GULP1: variants seen among roughly 807,000 people sequenced by gnomAD.
The protein encoded by GULP1 is PTB domain-containing engulfment adapter protein 1.
In GULP1, 19 loss-of-function variants were observed where a neutral mutation model predicts 40.9. The ratio of observed to expected loss-of-function variants is 0.46; its 90% CI spans 0.32 to 0.68. The LOEUF is 0.68. GULP1 is among the 30% of genes least tolerant of loss of function. GULP1 has a pLI of 0.03. For synonymous variants in GULP1, 119 were observed against 117.6 expected (o/e 1.01, Z -0.08); for missense variants, 312 against 362.2 (o/e 0.86, Z 1.12).
intron 2 of GULP1, among the ~76,000 whole-genome samples, chr2:188,457,038 C>T (rs2059325896): frequency 6.6e-6 from 1 of 152,132 alleles, no homozygotes; most frequent in Non-Finnish European, 1.5e-5. Flanking sequence ...GGAATGGCTG[C>T]ATGTACCCAA....
At chr2:188,585,794 T>C (rs746559732) in intron 10 of GULP1, among the ~76,000 whole-genome samples, 4 of 152,216 alleles carry the variant, frequency 2.6e-5, no homozygotes, top group African/African-American at 7.2e-5. Context: ...GCTGGTGACA[T>C]CTTCCCCATT....
At chr2:188,371,433 C>T (rs1336450826) in intron 1 of GULP1, among the ~76,000 whole-genome samples, 1 of 152,046 alleles carries the variant, frequency 6.6e-6, no homozygotes, top group Non-Finnish European at 1.5e-5. Flanking sequence ...GATGTGTTAT[C>T]CTCCATTTGT....
intron 4 of GULP1, among the ~76,000 whole-genome samples, chr2:188,500,245 C>T (rs1040662702): frequency 6.6e-6 from 1 of 151,846 alleles, no homozygotes; most frequent in African/African-American, 2.4e-5. Context: ...TGCATTTTGA[C>T]ACAATGTACG....
At chr2:188,412,942 T>A (rs974660102) in intron 2 of GULP1, among the ~76,000 whole-genome samples, 4 of 151,238 alleles carry the variant, frequency 2.6e-5, no homozygotes, top group Admixed American at 2.6e-4. Flanking sequence ...ACTTACCAAA[T>A]TTTTTTTAAA....
intron 1 of GULP1, among the ~76,000 whole-genome samples, chr2:188,348,182 ATATAT>A (rs1298839833): frequency 2.6e-5 from 4 of 152,224 alleles, no homozygotes; most frequent in African/African-American, 9.6e-5. Flanking sequence ...ATAATAGGAG[ATATAT>A]TAATGTTACA....
intron 9 of GULP1, among the ~76,000 whole-genome samples, chr2:188,581,269 C>T (rs1336945309): frequency 2.6e-5 from 4 of 152,006 alleles, no homozygotes; most frequent in African/African-American, 7.3e-5. Context: ...TCCCTCCTAC[C>T]GTCTCTTGTC....
At chr2:188,476,925 A>G (rs1274895866) in intron 2 of GULP1, among the ~76,000 whole-genome samples, 1 of 152,142 alleles carries the variant, frequency 6.6e-6, no homozygotes, top group African/African-American at 2.4e-5. Context: ...AAGTCATTAA[A>G]TATATAAAAT....
intron 2 of GULP1, among the ~76,000 whole-genome samples, chr2:188,457,438 G>T (rs1404848397): frequency 6.6e-6 from 1 of 152,108 alleles, no homozygotes; most frequent in African/African-American, 2.4e-5. Context: ...TTTAAAAATG[G>T]TAAGTTCTCT....
intron 2 of GULP1, among the ~76,000 whole-genome samples, chr2:188,427,152 A>G (rs1001752077): frequency 6.6e-6 from 1 of 152,158 alleles, no homozygotes; most frequent in African/African-American, 2.4e-5. Flanking sequence ...TAACCTGGCT[A>G]CCTCTACTAG....
At chr2:188,477,767 C>A (rs367777352) in intron 3 of GULP1, 37 bp downstream of exon 3, 2 of 1,511,044 alleles carry the variant, frequency 1.3e-6, no homozygotes, top group African/African-American at 1.4e-5. Context: ...GGGAGTCAAG[C>A]CAATGTTGCT....
At chr2:188,383,512 A>G (rs1044221128) in intron 1 of GULP1, among the ~76,000 whole-genome samples, 1 of 152,236 alleles carries the variant, frequency 6.6e-6, no homozygotes, top group Non-Finnish European at 1.5e-5. Flanking sequence ...TTTAATAGTA[A>G]CATATCTGTG....
At chr2:188,572,342 T>G (rs1325175546) in intron 9 of GULP1, among the ~76,000 whole-genome samples, 3 of 152,216 alleles carry the variant, frequency 2.0e-5, no homozygotes, top group Non-Finnish European at 4.4e-5. Flanking sequence ...TTAAAATGAA[T>G]TAGCACTCCT....
At chr2:188,379,169 A>G (rs1021732165) in intron 1 of GULP1, among the ~76,000 whole-genome samples, 3 of 152,182 alleles carry the variant, frequency 2.0e-5, no homozygotes, top group Non-Finnish European at 4.4e-5. Context: ...AGCACTGCAG[A>G]AAGTTTAACA....
intron 4 of GULP1, among the ~76,000 whole-genome samples, chr2:188,510,126 A>T (rs1304703782): frequency 6.6e-6 from 1 of 152,062 alleles, no homozygotes; most frequent in African/African-American, 2.4e-5. Context: ...ATCTCAAGAG[A>T]GCTCAGAGGG....
At chr2:188,346,531 T>C (rs1027225835) in intron 1 of GULP1, among the ~76,000 whole-genome samples, 8 of 151,790 alleles carry the variant, frequency 5.3e-5, no homozygotes, top group African/African-American at 1.9e-4. Flanking sequence ...CTTGCTCTGT[T>C]GCCCAGGCTG....
rs1704172127 is a variant in GULP1, at chr2:188,594,588, A to C, written c.*577A>C. On this transcript the variant is annotated 3_prime_UTR_variant, in exon 12 of 12. Coordinates refer to ENST00000409830, the MANE Select transcript of GULP1 (RefSeq NM_016315.4). ...GTAAAATTATAAGGATATAAATTCC[A>C]ATAATAAACCAAATGTATTTAGAGT... The C allele has an allele frequency of 6.6e-6, 1 of 151,852 alleles. No individual in the cohort carries two copies. Among genetic ancestry groups the C allele is most frequent in the South Asian group, 2.1e-4 (1 of 4,830 alleles). 9.4% of individuals were successfully genotyped at this position (151,852 alleles called of 1,614,324 possible). A position where few individuals can be genotyped will look rare whatever the true frequency, so the allele number is the denominator to read the frequency against.
At chr2:188,588,574 C>T (rs1321789728) in intron 11 of GULP1, 1 of 152,224 alleles carries the variant, frequency 6.6e-6, no homozygotes, top group South Asian at 2.1e-4. Context: ...TCTTATAAAC[C>T]CTAGAATAAA....
intron 4 of GULP1, among the ~76,000 whole-genome samples, chr2:188,511,493 A>T (rs2064534574): frequency 6.6e-6 from 1 of 152,018 alleles, no homozygotes; most frequent in African/African-American, 2.4e-5. Context: ...TAAATGCCCT[A>T]TTTACTCCAC....
At chr2:188,556,134 CT>C (rs1694698419) in intron 7 of GULP1, among the ~76,000 whole-genome samples, 1 of 151,852 alleles carries the variant, frequency 6.6e-6, no homozygotes, top group Non-Finnish European at 1.5e-5. Flanking sequence ...TTTTCTAATC[CT>C]TTTATGCTTT....
Sources: gnomAD v4.1 joint callset for allele counts (sites outside exome capture counted in the v4.1 genomes callset) on GRCh38, gnomAD v4.1.1 for gene constraint, MANE v1.5 for transcripts, NCBI Gene and HGNC (gene_info 2026-07-23, HGNC 2026-07-21) for gene names.